The following MGAT4C variants were observed in gnomAD, a reference collection of about 807,000 sequenced individuals.
The protein encoded by MGAT4C is MGAT4 family member C, also known as alpha-1,3-mannosyl-glycoprotein 4-beta-N-acetylglucosaminyltransferase C.
A neutral mutation model predicts 40.1 loss-of-function variants in MGAT4C; 19 were observed. That is an observed-to-expected ratio of 0.47 (90% CI 0.33 to 0.70). The LOEUF (loss-of-function observed/expected upper bound fraction) is 0.70, where lower values mean the gene tolerates loss of function less well. Ranked by LOEUF, MGAT4C falls within the 30% of genes least tolerant of loss-of-function variation. MGAT4C has a pLI of 0.02. For missense variants in MGAT4C, 491 were observed against 563.2 expected, an observed-to-expected ratio of 0.87 and a Z score of 1.30; for synonymous variants, 181 against 187.1, an observed-to-expected ratio of 0.97 and a Z score of 0.27.
At position 86,693,002 on chromosome 12, in the gene MGAT4C, C is replaced by T. The variant is rs1233363829; in HGVS notation, c.-229+34207G>A. ...AACTAGAGTGGCCTGACGGAGTGGT[C>T]CTTCACTGGGCTAAGGTAGCCAAAC... On this transcript the variant is annotated intron_variant, in intron 2 of 7. Transcript: ENST00000548651. 2.0e-5 allele frequency among the ~76,000 whole-genome samples: 3 copies of T among 151,754 alleles called. No individual in the cohort carries two copies. The Admixed American group carries it at 2.0e-4, about 10-fold the overall frequency.
At chr12:86,706,866 G>A (rs986563118) in intron 2 of MGAT4C, among the ~76,000 whole-genome samples, 3 of 152,108 alleles carry the variant, frequency 2.0e-5, no homozygotes, top group Non-Finnish European at 4.4e-5. Flanking sequence ...GGACCTGGTA[G>A]GAGGTAATTG....
chr12:86,189,228 G>T (rs1230607073), intron 1 of MGAT4C, among the ~76,000 whole-genome samples: 1 of 151,872 alleles, frequency 6.6e-6, no homozygotes, highest in Non-Finnish European at 1.5e-5. Context: ...TTTTAGAGGA[G>T]AATTCTGCCC....
chr12:86,566,543 T>C (rs1401818842), intron 2 of MGAT4C, among the ~76,000 whole-genome samples: 1 of 101,644 alleles, frequency 9.8e-6, no homozygotes, highest in Non-Finnish European at 1.8e-5. Context: ...TATATATATA[T>C]ATATATATAT....
At chr12:86,525,994 T>C (rs550838682) in intron 2 of MGAT4C, among the ~76,000 whole-genome samples, 1 of 152,164 alleles carries the variant, frequency 6.6e-6, no homozygotes, top group African/African-American at 2.4e-5. Flanking sequence ...GGCCAGCAGG[T>C]GCTGGGGTGC....
intron 2 of MGAT4C, chr12:86,022,314 T>TA (rs1376108055): frequency 6.6e-6 from 1 of 152,252 alleles, no homozygotes; most frequent in African/African-American, 2.4e-5. Context: ...ACTCAGTCTG[T>TA]ATTGCCCAAG....
rs970231468 is a variant in MGAT4C, at chr12:85,978,639, C to A, written c.*650G>T. The A allele has an allele frequency of 6.6e-6, 1 of 151,238 alleles. No homozygotes were observed. Among genetic ancestry groups the A allele is most frequent in the Non-Finnish European group, 1.5e-5 (1 of 67,458 alleles). The allele number at this position is 151,238 out of a possible 1,614,324, so 9.4% of individuals were successfully genotyped here. ...CTGCTTCCCCCAGAAAATTTATCAA[C>A]AATAGGTGCTCAATTAAATGTTTTT... On this transcript the variant is annotated 3_prime_UTR_variant, in exon 5 of 5. Coordinates refer to ENST00000611864, the MANE Select transcript of MGAT4C (RefSeq NM_001351288.2).
intron 1 of MGAT4C, among the ~76,000 whole-genome samples, chr12:86,784,557 C>T (rs1047819228): frequency 6.6e-6 from 1 of 151,704 alleles, no homozygotes; most frequent in Non-Finnish European, 1.5e-5. Context: ...ACGCTAATTA[C>T]CTCTCTTAGA....
chr12:86,106,342 C>T (rs1876169079), intron 1 of MGAT4C, among the ~76,000 whole-genome samples: 1 of 152,006 alleles, frequency 6.6e-6, no homozygotes, highest in Non-Finnish European at 1.5e-5. Flanking sequence ...TGTCTGTTGC[C>T]CCGGCTGGAG....
chr12:86,826,382 C>A (rs1952809191), intron 1 of MGAT4C, among the ~76,000 whole-genome samples: 1 of 151,342 alleles, frequency 6.6e-6, no homozygotes. Flanking sequence ...TAAAAACTGG[C>A]TGCAATTGAG....
chr12:86,034,748 G>T (rs1400624105), intron 2 of MGAT4C, among the ~76,000 whole-genome samples: 2 of 149,126 alleles, frequency 1.3e-5, no homozygotes, highest in African/African-American at 4.9e-5. Flanking sequence ...CACCCCAACA[G>T]GTTCCGGTGT....
intron 3 of MGAT4C, among the ~76,000 whole-genome samples, chr12:86,411,246 A>C (rs1045908331): frequency 1.3e-5 from 2 of 152,198 alleles, no homozygotes; most frequent in African/African-American, 4.8e-5. Context: ...AGAGGTTGGA[A>C]CAGTTTGGAG....
intron 3 of MGAT4C, among the ~76,000 whole-genome samples, chr12:86,376,710 C>G (rs568263746): frequency 1.3e-5 from 2 of 151,482 alleles, no homozygotes; most frequent in East Asian, 3.9e-4. Context: ...TATAAATAAG[C>G]AGGACTTAAG....
In MGAT4C at chr12:86,505,971, A is replaced by G. The variant is rs1958466769; in HGVS notation, c.-228-70706T>C. On this transcript the variant is annotated intron_variant, in intron 2 of 7. Coordinates refer to the MGAT4C transcript ENST00000548651. ...GGTCATACCATGTCCTAATAATGAC[A>G]CATCCAAGATGTTTGACAAATCATT... is the stretch of plus-strand genomic sequence containing the variant. 4.6e-5 allele frequency among the ~76,000 whole-genome samples: 7 copies of G among 152,210 alleles called. No individual in the cohort carries two copies. In the South Asian group the frequency reaches 1.2e-3, roughly 27 times the overall value.
intron 2 of MGAT4C, among the ~76,000 whole-genome samples, chr12:86,445,538 C>T (rs933155361): frequency 2.6e-5 from 4 of 152,128 alleles, no homozygotes; most frequent in South Asian, 4.1e-4. Flanking sequence ...GAATTCCACT[C>T]CTAGTTTCAT....
chr12:86,236,597 C>T (rs376102096), intron 1 of MGAT4C, among the ~76,000 whole-genome samples: 2 of 151,978 alleles, frequency 1.3e-5, no homozygotes, highest in East Asian at 3.9e-4. Context: ...TATTTAGGGT[C>T]TGAATCCAAT....
chr12:86,681,318 G>T (rs1949976919), intron 2 of MGAT4C, among the ~76,000 whole-genome samples: 1 of 151,888 alleles, frequency 6.6e-6, no homozygotes, highest in South Asian at 2.1e-4. Context: ...ATTTAAAGGA[G>T]GCTGGTCTCT....
At chr12:86,509,144 G>T (rs1422474289) in intron 2 of MGAT4C, among the ~76,000 whole-genome samples, 1 of 152,134 alleles carries the variant, frequency 6.6e-6, no homozygotes, top group Non-Finnish European at 1.5e-5. Flanking sequence ...CCATGCCTAT[G>T]TCCTGAATAG....
intron 2 of MGAT4C, among the ~76,000 whole-genome samples, chr12:86,491,909 C>A (rs2136323915): frequency 6.6e-6 from 1 of 152,172 alleles, no homozygotes; most frequent in Admixed American, 6.6e-5. Context: ...ACTGTCTCAG[C>A]CCAAAATCTC....
At chr12:86,819,655 A>G (rs1952672102) in intron 1 of MGAT4C, among the ~76,000 whole-genome samples, 1 of 150,936 alleles carries the variant, frequency 6.6e-6, no homozygotes. Context: ...CATTTCTGAA[A>G]CAATGTACAG....
Sources: gnomAD v4.1 joint callset for allele counts (sites outside exome capture counted in the v4.1 genomes callset) on GRCh38, gnomAD v4.1.1 for gene constraint, MANE v1.5 for transcripts, NCBI Gene and HGNC (gene_info 2026-07-23, HGNC 2026-07-21) for gene names.